Variants in ELMO1 observed in about 807,000 individuals in gnomAD.
ELMO1 encodes engulfment and cell motility protein 1.
ELMO1 carries 26 observed loss-of-function variants against 98.9 expected under a neutral mutation model. That is an observed-to-expected ratio of 0.26 (90% CI 0.19 to 0.36). The LOEUF (loss-of-function observed/expected upper bound fraction) is 0.36, where lower values mean the gene tolerates loss of function less well. Among genes scored for constraint, ELMO1 ranks in the 10% least tolerant of loss-of-function variants. The probability of loss-of-function intolerance (pLI) is 1.00; values close to 1 mark genes in which losing one functional copy is unlikely to be tolerated. For missense variants in ELMO1, 627 were observed against 935.2 expected, an observed-to-expected ratio of 0.67 and a Z score of 4.30; for synonymous variants, 346 against 346.0, an observed-to-expected ratio of 1.00 and a Z score of 0.00.
At chr7:37,045,614 A>T (rs1195516076) in intron 15 of ELMO1, among the ~76,000 whole-genome samples, 1 of 152,108 alleles carries the variant, frequency 6.6e-6, no homozygotes, top group East Asian at 1.9e-4. Context: ...TAAAAATACC[A>T]CTTATTTGAA....
At chr7:37,040,289 A>T (rs569019292) in intron 15 of ELMO1, among the ~76,000 whole-genome samples, 1 of 152,320 alleles carries the variant, frequency 6.6e-6, no homozygotes, top group Admixed American at 6.5e-5. Context: ...ATAGTTTGGG[A>T]TCATTTTCCT....
At chr7:37,135,311 A>T (rs749004593) in intron 13 of ELMO1, among the ~76,000 whole-genome samples, 1 of 152,162 alleles carries the variant, frequency 6.6e-6, no homozygotes, top group Non-Finnish European at 1.5e-5. Context: ...GCATGTGGAG[A>T]CTTACATCAT....
intron 8 of ELMO1, among the ~76,000 whole-genome samples, chr7:37,228,814 AC>A (rs1372961896): frequency 1.3e-5 from 2 of 151,770 alleles, no homozygotes; most frequent in Non-Finnish European, 2.9e-5. Flanking sequence ...ACATGGTGAA[AC>A]CCCCATCTCT....
intron 4 of ELMO1, among the ~76,000 whole-genome samples, chr7:37,287,847 A>G (rs993858114): frequency 1.3e-5 from 2 of 152,184 alleles, no homozygotes; most frequent in Non-Finnish European, 2.9e-5. Flanking sequence ...TCTCTAACAC[A>G]CCAAGCTCTT....
intron 16 of ELMO1, among the ~76,000 whole-genome samples, chr7:36,932,306 A>G (rs1786113552): frequency 6.6e-6 from 1 of 152,204 alleles, no homozygotes; most frequent in Admixed American, 6.5e-5. Flanking sequence ...AAATCAATTC[A>G]GGACTGGGCG....
At chr7:37,181,192 G>C (rs912705935) in intron 13 of ELMO1, among the ~76,000 whole-genome samples, 6 of 152,136 alleles carry the variant, frequency 3.9e-5, no homozygotes, top group African/African-American at 1.4e-4. Context: ...ACAAGTGAGA[G>C]GCATAAAGTG....
At chr7:37,348,961 A>G (rs1236259153) in intron 1 of ELMO1, among the ~76,000 whole-genome samples, 1 of 152,232 alleles carries the variant, frequency 6.6e-6, no homozygotes. Context: ...TCTGTTGCAC[A>G]GTAAACCCTA....
At chr7:36,993,267 T>C (rs1791989581) in intron 16 of ELMO1, among the ~76,000 whole-genome samples, 1 of 152,132 alleles carries the variant, frequency 6.6e-6, no homozygotes, top group Non-Finnish European at 1.5e-5. Flanking sequence ...AATTCTAGGG[T>C]GAGTCCTGTT....
intron 13 of ELMO1, among the ~76,000 whole-genome samples, chr7:37,174,446 C>T (rs918864095): frequency 6.6e-6 from 1 of 152,178 alleles, no homozygotes; most frequent in Non-Finnish European, 1.5e-5. Context: ...AAACAGCCGA[C>T]GCAGGCATTG....
intron 15 of ELMO1, among the ~76,000 whole-genome samples, chr7:37,051,174 C>T (rs1033906692): frequency 6.6e-6 from 1 of 152,078 alleles, no homozygotes; most frequent in Non-Finnish European, 1.5e-5. Context: ...AACTGCAGTG[C>T]TAGAAGAAAT....
At chr7:37,193,160 T>C (rs1056714735) in intron 13 of ELMO1, among the ~76,000 whole-genome samples, 2 of 151,908 alleles carry the variant, frequency 1.3e-5, no homozygotes, top group African/African-American at 2.4e-5. Context: ...GCTGGGTTTG[T>C]ATTACCTTGT....
At chr7:37,267,038 T>TATATAC (rs1253737400) in intron 5 of ELMO1, among the ~76,000 whole-genome samples, 1 of 100,356 alleles carries the variant, frequency 1.0e-5, no homozygotes, top group Non-Finnish European at 2.0e-5. Context: ...TATGTATATA[T>TATATAC]ACACACACAC....
intron 15 of ELMO1, among the ~76,000 whole-genome samples, chr7:37,044,138 G>A (rs961603535): frequency 6.6e-5 from 10 of 152,218 alleles, no homozygotes; most frequent in Middle Eastern, 3.4e-3. Context: ...CAGCAAAAAG[G>A]CTATGCTCCG....
At chr7:37,083,265 C>G (rs1047091924) in intron 15 of ELMO1, among the ~76,000 whole-genome samples, 1 of 152,094 alleles carries the variant, frequency 6.6e-6, no homozygotes, top group Non-Finnish European at 1.5e-5. Context: ...TGGGAGGGGG[C>G]CATCGGGCTG....
intron 1 of ELMO1, among the ~76,000 whole-genome samples, chr7:37,443,555 C>T (rs1440192370): frequency 6.6e-6 from 1 of 152,206 alleles, no homozygotes; most frequent in Admixed American, 6.5e-5. Context: ...AGGCCAATGA[C>T]CAAATTCTGC....
chr7:36,952,942 C>A (rs1220418440), intron 16 of ELMO1, among the ~76,000 whole-genome samples: 3 of 150,492 alleles, frequency 2.0e-5, no homozygotes, highest in South Asian at 4.2e-4. Flanking sequence ...GGTCAATGTG[C>A]CAAATAATGG....
rs147721996 is a variant in ELMO1 at position 37,225,088 on chromosome 7, A to G, written c.550-58T>C. 77 of 1,599,460 alleles carry G rather than the reference A, an allele frequency of 4.8e-5. No individual in the cohort carries two copies. In the East Asian group the frequency reaches 1.7e-3, roughly 35 times the overall value. ...CGTGGTAAGTAGAGCAGAGACGTGG[A>G]GAAGGGAACAAATGAATCAAATCGG... On this transcript the variant is annotated intron_variant, in intron 8 of 21. Coordinates refer to ENST00000310758, the MANE Select transcript of ELMO1 (RefSeq NM_014800.11).
chr7:36,974,944 G>A (rs1252891398), intron 16 of ELMO1, among the ~76,000 whole-genome samples: 5 of 151,794 alleles, frequency 3.3e-5, no homozygotes, highest in East Asian at 3.9e-4. Context: ...CTGAGCCAGC[G>A]AGACCATGAA....
chr7:37,155,569 G>C (rs1306211718), intron 13 of ELMO1, among the ~76,000 whole-genome samples: 2 of 149,038 alleles, frequency 1.3e-5, no homozygotes, highest in African/African-American at 5.0e-5. Flanking sequence ...GATCAAAAGA[G>C]ACAAAGAATG....
Sources: allele counts gnomAD v4.1 joint callset (sites outside exome capture counted in the v4.1 genomes callset), GRCh38; gene constraint gnomAD v4.1.1; transcripts MANE v1.5; gene names NCBI Gene and HGNC (gene_info 2026-07-23, HGNC 2026-07-21).